Variants in PFKP observed in about 807,000 individuals in gnomAD.
PFKP encodes ATP-dependent 6-phosphofructokinase, platelet type.
PFKP carries 101 observed loss-of-function variants against 94.3 expected under a neutral mutation model. That is an observed-to-expected ratio of 1.07 (90% CI 0.91 to 1.26). The LOEUF (loss-of-function observed/expected upper bound fraction) is 1.26. Ranked by LOEUF, PFKP falls within the 50% of genes most tolerant of loss-of-function variation. PFKP has a pLI of 0.00. For synonymous variants in PFKP, 573 were observed against 432.6 expected (o/e 1.32, Z -4.03); for missense variants, 1,145 against 1,103.3 (o/e 1.04, Z -0.53).
chr10:3,134,874 T>G (rs1449030589), intron 20 of PFKP, among the ~76,000 whole-genome samples: 1 of 152,246 alleles, frequency 6.6e-6, no homozygotes, highest in Non-Finnish European at 1.5e-5. Flanking sequence ...GGCCAGCAAT[T>G]TCCCCTCACA....
intron 10 of PFKP, among the ~76,000 whole-genome samples, 157 bp downstream of exon 10, chr10:3,109,637 C>T (rs967376464): frequency 2.0e-5 from 3 of 152,204 alleles, no homozygotes; most frequent in African/African-American, 7.2e-5. Flanking sequence ...AGGGAGAAGG[C>T]TTATGTTCTC....
rs189732416 is a variant in PFKP, at chr10:3,113,808, G to T, written c.1371+290G>T. On this transcript the variant is annotated intron_variant, in intron 13 of 21. Coordinates refer to ENST00000381125, the MANE Select transcript of PFKP (RefSeq NM_002627.5). Reference sequence around the variant, plus strand: ...GCCCTGACATTAGGTGAGAAGGAAGGTGGCGTTGTCTCGGAGGCTGTGGTT... The same window carrying T: ...GCCCTGACATTAGGTGAGAAGGAAGTTGGCGTTGTCTCGGAGGCTGTGGTT... Among the ~76,000 whole-genome samples the T allele has an allele frequency of 1.6e-3, 247 of 152,300 alleles. 2 individuals are homozygous for T. Among genetic ancestry groups the T allele is most frequent in the African/African-American group, 5.7e-3 (238 of 41,570 alleles).
In PFKP at chr10:3,102,167, C is replaced by T. The variant is rs370388058; in HGVS notation, c.454+613C>T. Among the ~76,000 whole-genome samples the T allele has an allele frequency of 1.4e-3, 192 of 134,754 alleles. 3 individuals carry two copies. Among genetic ancestry groups the T allele is most frequent in the African/African-American group, 5.1e-3 (186 of 36,728 alleles). The allele number at this position is 134,754 out of a possible 152,430, so 88.4% of individuals were successfully genotyped here. On this transcript the variant is annotated intron_variant, in intron 4 of 21. Transcript: ENST00000381125. The stretch of plus-strand genomic sequence containing the variant: ...TTGGGAGGCTGAGGCAGGAGAATGG[C>T]GTGAACCCGGGAGGCGGAGCTTGCA...
chr10:3,120,935 T>G (rs1837340075), intron 16 of PFKP, among the ~76,000 whole-genome samples: 1 of 152,246 alleles, frequency 6.6e-6, no homozygotes, highest in Non-Finnish European at 1.5e-5. Context: ...TAAAATTTGA[T>G]GTCTAAAAGT....
At chr10:3,093,715 C>A (rs1210096187) in intron 2 of PFKP, among the ~76,000 whole-genome samples, 1 of 144,778 alleles carries the variant, frequency 6.9e-6, no homozygotes, top group Admixed American at 7.0e-5. Flanking sequence ...GCAATCTCAG[C>A]TCACTGCAAG....
At chr10:3,119,443 T>TA (rs11394580) in intron 15 of PFKP, among the ~76,000 whole-genome samples, 89,776 of 151,672 alleles carry the variant, frequency 0.59, 27,346 homozygotes, top group South Asian at 0.73. Context: ...CCGTCTCTAC[T>TA]AAAATATAAA....
chr10:3,119,771 CG>C, intron 15 of PFKP, 120 bp from the exon 16 acceptor site: 3 of 634,346 alleles, frequency 4.7e-6, no homozygotes, highest in East Asian at 2.9e-5. Flanking sequence ...GGAGTGTTTT[CG>C]TGATGCCCCA....
intron 21 of PFKP, 34 bp from the exon 22 acceptor site, chr10:3,136,416 C>T (rs143435533): frequency 0.012 from 18,593 of 1,610,476 alleles, 120 homozygotes; most frequent in Non-Finnish European, 0.014. Context: ...CCAGTGACTG[C>T]AGGCCTCACT....
In PFKP at chr10:3,069,963, A is replaced by T. The variant is rs535328175; in HGVS notation, c.112+2256A>T. On this transcript the variant is annotated intron_variant, in intron 1 of 21. Transcript: ENST00000381125. ...CCTCTTCTTTTCTGGGGAAAATGAT[A>T]CTTTGGAAACCAATATTATGTGGGG... Among the ~76,000 whole-genome samples, 4 of 152,360 alleles carry T rather than the reference A, an allele frequency of 2.6e-5. No homozygotes were observed. In the South Asian group the frequency reaches 6.2e-4, roughly 24 times the overall value.
chr10:3,113,167 G>C lies in PFKP; in HGVS notation c.1203G>C (p.Leu401=). 6.2e-7 allele frequency: 1 copy of C among 1,612,684 alleles called. No homozygotes were observed. The highest frequency in any genetic ancestry group is 1.1e-5 in the South Asian group (1 of 90,784). ...LNTYKRLAIK[L]PDDQIPKTNC... is the part of the protein sequence containing the mutation. ...CCTACAAGCGACTTGCCATCAAGCT[G>C]CCGGATGATCAGATCCCAAAGGTAG... The change falls in exon 12 of 22, where the codon CTG becomes CTC. Residue 401 remains leucine, a synonymous_variant. Transcript: ENST00000381125.
At chr10:3,130,121 C>T (rs954999932) in intron 17 of PFKP, 138 bp downstream of exon 17, 19 of 751,290 alleles carry the variant, frequency 2.5e-5, no homozygotes, top group Non-Finnish European at 3.1e-5. Flanking sequence ...ACGCTTGATA[C>T]ACTTCGCATC....
At position 3,105,004 on chromosome 10, in the gene PFKP, G is replaced by T; in HGVS notation, c.621-111G>T. 4.8e-6 allele frequency: 5 copies of T among 1,049,278 alleles called. No individual in the cohort carries two copies. The East Asian group carries it at 1.2e-4, about 26-fold the overall frequency. 65.0% of individuals were successfully genotyped at this position (1,049,278 alleles called of 1,614,324 possible). A position where few individuals can be genotyped will look rare whatever the true frequency, so the allele number is the denominator to read the frequency against. ...TGCAGGCCTCCTGGCTAACTCGGCT[G>T]TCAAAGCCCCTTTTCTCTGCTTTCT... On this transcript the variant is annotated intron_variant, in intron 5 of 21. Coordinates refer to ENST00000381125, the MANE Select transcript of PFKP (RefSeq NM_002627.5).
chr10:3,103,761 T>C lies in PFKP; in HGVS notation c.455-18T>C. ...CCATGGTTACGGCGATGAGACGTGC[T>C]GTTTGCTCCCCGCGCAGGCCAGATC... On this transcript the variant is annotated intron_variant, in intron 4 of 21. Transcript: ENST00000381125. 1 of 1,613,440 alleles carries C rather than the reference T, an allele frequency of 6.2e-7. No homozygotes were observed. The highest frequency in any genetic ancestry group is 1.3e-5 in the African/African-American group (1 of 75,070).
At chr10:3,111,450 CAT>C (rs1286011896) in intron 10 of PFKP, among the ~76,000 whole-genome samples, 1 of 152,074 alleles carries the variant, frequency 6.6e-6, no homozygotes, top group Non-Finnish European at 1.5e-5. Context: ...GCCTGTGTCT[CAT>C]GTCTCTGCTT....
chr10:3,097,808 C>T (rs1167312765), intron 2 of PFKP, among the ~76,000 whole-genome samples: 2 of 152,154 alleles, frequency 1.3e-5, no homozygotes, highest in East Asian at 1.9e-4. Flanking sequence ...AGTTGGAAAC[C>T]AGCCTGGCCA....
rs1041494634 is a variant in PFKP, at chr10:3,116,782, G to T, written c.1378G>T (p.Glu460Ter). 1.2e-6 allele frequency: 2 copies of T among 1,613,438 alleles called. No homozygotes were observed. Among genetic ancestry groups the T allele is most frequent in the Admixed American group, 1.7e-5 (1 of 60,030 alleles). Residue 460 changes from glutamate (E) to a stop codon, truncating the protein, a stop_gained, in exon 14 of 22, where the codon GAA becomes TAA. Coordinates refer to ENST00000381125, the MANE Select transcript of PFKP (RefSeq NM_002627.5). LOFTEE classifies it high-confidence loss of function. Reference protein sequence around the residue: ...FDGFAKGQIKEIGWTDVGGWT... With the variant: ...FDGFAKGQIK Reference sequence around the variant, plus strand: ...TTCTGTGTTTGCACATTAGATCAAAGAAATCGGCTGGACAGATGTCGGGGG... The same window carrying T: ...TTCTGTGTTTGCACATTAGATCAAATAAATCGGCTGGACAGATGTCGGGGG...
chr10:3,131,350 C>T (rs375294237), intron 17 of PFKP, among the ~76,000 whole-genome samples: 137 of 151,614 alleles, frequency 9.0e-4, no homozygotes, highest in African/African-American at 3.0e-3. Context: ...AGGAACATAT[C>T]CCCCTGTTAC....
Position 3,110,299 on chromosome 10 carries a change from C to T in PFKP, c.1089+819C>T, listed in dbSNP as rs370535593. 3.1e-3 allele frequency among the ~76,000 whole-genome samples: 475 copies of T among 151,848 alleles called. 5 individuals are homozygous for T. The highest frequency in any genetic ancestry group is 0.024 in the Middle Eastern group (7 of 294). On this transcript the variant is annotated intron_variant, in intron 10 of 21. Transcript: ENST00000381125. ...CTGCAAGCTCCGCCTCCTGGGTTCA[C>T]GCCATTCTCCTGCCTCAGCCTTCCG...
At position 3,135,822 on chromosome 10, in the gene PFKP, A is replaced by C. The variant is rs141790764; in HGVS notation, c.2209A>C (p.Lys737Gln). 6.9e-5 allele frequency: 111 copies of C among 1,611,396 alleles called. No homozygotes were observed. The highest frequency in any genetic ancestry group is 5.6e-4 in the East Asian group (25 of 44,862). The change falls in exon 21 of 22, where the codon AAG (lysine) becomes CAG (glutamine). Residue 737 changes from lysine (K) to glutamine (Q), a missense_variant. Transcript: ENST00000381125. ...VIFQPVAELK[K>Q]QTDFEHRIPK... ...TTTTCAACCTGTGGCAGAGCTGAAG[A>C]AGCAAACGGATTTTGAGTAAGTTGG...
Sources: allele counts gnomAD v4.1 joint callset (sites outside exome capture counted in the v4.1 genomes callset), GRCh38; gene constraint gnomAD v4.1.1; transcripts MANE v1.5; gene names NCBI Gene and HGNC (gene_info 2026-07-23, HGNC 2026-07-21).